Variants in THSD7B observed in about 807,000 individuals in gnomAD.
The protein encoded by THSD7B is thrombospondin type 1 domain containing 7B, also known as thrombospondin type-1 domain-containing protein 7B.
In THSD7B, 138 loss-of-function variants were observed where a neutral mutation model predicts 213.6. That is an observed-to-expected ratio of 0.65 (90% CI 0.56 to 0.74). The LOEUF is 0.74. THSD7B is among the 30% of genes least tolerant of loss of function. THSD7B has a pLI of 0.00. For missense variants in THSD7B, 1,931 were observed against 1,991.5 expected, an observed-to-expected ratio of 0.97 and a Z score of 0.58; for synonymous variants, 742 against 687.0, an observed-to-expected ratio of 1.08 and a Z score of -1.25.
At position 137,050,536 on chromosome 2, in the gene THSD7B, A is replaced by C. The variant is rs530839762; in HGVS notation, c.140-5884A>C. On this transcript the variant is annotated intron_variant, in intron 2 of 27. Transcript: ENST00000409968. ...TACAGAAAGAGCTGGGAACATTAGC[A>C]ACAAAGCTTATGCTTACTTGAGGTA... 3.9e-5 allele frequency among the ~76,000 whole-genome samples: 6 copies of C among 152,360 alleles called. No individual in the cohort carries two copies. In the East Asian group the frequency reaches 1.2e-3, roughly 29 times the overall value.
intron 15 of THSD7B, among the ~76,000 whole-genome samples, chr2:137,560,891 C>T (rs1681103608): frequency 6.6e-6 from 1 of 152,000 alleles, no homozygotes; most frequent in African/African-American, 2.4e-5. Flanking sequence ...GTGACTGCAT[C>T]CCAAAGAAAC....
Position 137,170,903 on chromosome 2 carries a change from A to G in THSD7B, c.1688A>G (p.His563Arg). 1 of 1,613,198 alleles carries G rather than the reference A, an allele frequency of 6.2e-7. No homozygotes were observed. The highest frequency in any genetic ancestry group is 8.5e-7 in the Non-Finnish European group (1 of 1,179,740). The part of the protein sequence containing the change: ...FPDHGKCGLG[H>R]RILKAVCQND... Reference sequence around the variant, plus strand: ...GATCATGGAAAATGTGGCCTGGGACATCGTATTCTGAAGGCCGTCTGCCAG... The same window carrying G: ...GATCATGGAAAATGTGGCCTGGGACGTCGTATTCTGAAGGCCGTCTGCCAG... Residue 563 changes from histidine (H) to arginine (R), a missense_variant, in exon 7 of 28, where the codon CAT becomes CGT. His to Arg is a conservative substitution (Grantham distance 29, BLOSUM62 0). Coordinates refer to ENST00000409968, the MANE Select transcript of THSD7B (RefSeq NM_001316349.2).
intron 14 of THSD7B, among the ~76,000 whole-genome samples, chr2:137,426,984 G>C (rs1687074050): frequency 6.6e-6 from 1 of 151,920 alleles, no homozygotes; most frequent in African/African-American, 2.4e-5. Flanking sequence ...AAGGGGCAAA[G>C]GATCTTAGTA....
intron 2 of THSD7B, among the ~76,000 whole-genome samples, chr2:136,982,921 T>A (rs1256087511): frequency 6.6e-6 from 1 of 152,158 alleles, no homozygotes; most frequent in Non-Finnish European, 1.5e-5. Flanking sequence ...ATTATTTTCC[T>A]TCAAGAATGA....
At chr2:137,580,051 G>A (rs16839130) in intron 17 of THSD7B, among the ~76,000 whole-genome samples, 36,655 of 151,600 alleles carry the variant, frequency 0.24, 4,540 homozygotes, top group South Asian at 0.35. Context: ...AAAAAATCCC[G>A]GGTTTACTGT....
intron 12 of THSD7B, among the ~76,000 whole-genome samples, chr2:137,352,441 G>C (rs1685035070): frequency 6.6e-6 from 1 of 152,034 alleles, no homozygotes; most frequent in Non-Finnish European, 1.5e-5. Context: ...GGTCATTTCA[G>C]TCTCTGTTGG....
chr2:136,866,307 C>T (rs1465366882), intron 1 of THSD7B, among the ~76,000 whole-genome samples: 1 of 152,126 alleles, frequency 6.6e-6, no homozygotes, highest in African/African-American at 2.4e-5. Flanking sequence ...TTCCCGCAGA[C>T]ATCTTCTCAT....
chr2:136,809,593 T>A (rs897837365), intron 1 of THSD7B, among the ~76,000 whole-genome samples: 1 of 152,212 alleles, frequency 6.6e-6, no homozygotes, highest in Non-Finnish European at 1.5e-5. Context: ...GTTCCACTGC[T>A]GGTCCATGGA....
At chr2:136,860,561 T>C (rs1683243158) in intron 1 of THSD7B, among the ~76,000 whole-genome samples, 2 of 152,224 alleles carry the variant, frequency 1.3e-5, no homozygotes, top group Admixed American at 1.3e-4. Flanking sequence ...TGCTTGTGTC[T>C]AACATGTTGG....
chr2:137,610,988 T>TATAATA (rs1277675572), intron 17 of THSD7B, among the ~76,000 whole-genome samples: 3 of 143,566 alleles, frequency 2.1e-5, no homozygotes, highest in African/African-American at 8.0e-5. Flanking sequence ...AAACTTAAAG[T>TATAATA]ATAATAATAA....
At chr2:137,184,756 G>A (rs931054510) in intron 7 of THSD7B, among the ~76,000 whole-genome samples, 87 of 152,100 alleles carry the variant, frequency 5.7e-4, no homozygotes, top group African/African-American at 2.0e-3. Context: ...AAGAAAGCCA[G>A]AGATCCAGAG....
intron 5 of THSD7B, among the ~76,000 whole-genome samples, chr2:137,155,483 C>G (rs1573857047): frequency 6.6e-6 from 1 of 152,138 alleles, no homozygotes; most frequent in Non-Finnish European, 1.5e-5. Flanking sequence ...AGCAGCAGTT[C>G]TTACTACAAA....
intron 17 of THSD7B, among the ~76,000 whole-genome samples, chr2:137,590,384 C>A (rs1681836931): frequency 6.6e-6 from 1 of 152,138 alleles, no homozygotes; most frequent in Non-Finnish European, 1.5e-5. Context: ...GGACAGGCAT[C>A]ATGGCTGACT....
chr2:137,077,432 A>G (rs1687652272), intron 3 of THSD7B, among the ~76,000 whole-genome samples: 1 of 152,178 alleles, frequency 6.6e-6, no homozygotes, highest in South Asian at 2.1e-4. Flanking sequence ...ACTAGTTTAC[A>G]TTCTCACCAA....
intron 2 of THSD7B, among the ~76,000 whole-genome samples, chr2:136,899,978 G>C (rs481799): frequency 0.43 from 65,586 of 151,948 alleles, 15,713 homozygotes; most frequent in Non-Finnish European, 0.55. Context: ...TTCCTGCTCT[G>C]AACACTAAGC....
At chr2:137,037,668 G>A (rs1205766419) in intron 2 of THSD7B, among the ~76,000 whole-genome samples, 1 of 152,078 alleles carries the variant, frequency 6.6e-6, no homozygotes, top group African/African-American at 2.4e-5. Flanking sequence ...AGTCTTTTAA[G>A]AAGATAAATA....
chr2:137,649,921 C>A (rs1358514918), intron 21 of THSD7B, among the ~76,000 whole-genome samples: 1 of 151,514 alleles, frequency 6.6e-6, no homozygotes, highest in African/African-American at 2.4e-5. Flanking sequence ...CATAGTGAGA[C>A]CTAATCTCTA....
chr2:137,232,914 C>T lies in THSD7B; in HGVS notation c.1931C>T (p.Pro644Leu). 6.2e-7 allele frequency: 1 copy of T among 1,613,800 alleles called. No individual in the cohort carries two copies. The highest frequency in any genetic ancestry group is 8.5e-7 in the Non-Finnish European group (1 of 1,179,772). Residue 644 changes from proline (P) to leucine (L), a missense_variant, in exon 9 of 28, where the codon CCC becomes CTC. Coordinates refer to ENST00000409968, the MANE Select transcript of THSD7B (RefSeq NM_001316349.2). ...ALAGEGGKPC[P>L]PSQALQEHRL... ...TTTTTGGCAGGTGGAAAGCCATGTC[C>T]CCCTAGTCAGGCTCTCCAAGAGCAT...
intron 4 of THSD7B, among the ~76,000 whole-genome samples, chr2:137,101,700 G>A (rs1339652458): frequency 1.3e-5 from 2 of 152,176 alleles, no homozygotes; most frequent in Non-Finnish European, 2.9e-5. Flanking sequence ...CAAGCTTGGT[G>A]GTGGGAGGGG....
Sources: allele counts gnomAD v4.1 joint callset (sites outside exome capture counted in the v4.1 genomes callset), GRCh38; gene constraint gnomAD v4.1.1; transcripts MANE v1.5; gene names NCBI Gene and HGNC (gene_info 2026-07-23, HGNC 2026-07-21).